Variants in RNF150 observed in about 807,000 individuals in gnomAD.
RNF150 encodes the protein ring finger protein 150.
Under a neutral mutation model 39.3 loss-of-function variants are expected in RNF150, and 24 were observed. The ratio of observed to expected loss-of-function variants is 0.61; its 90% CI spans 0.44 to 0.86. RNF150 has a LOEUF of 0.86. Ranked by LOEUF, RNF150 falls within the 40% of genes least tolerant of loss-of-function variation. The pLI, the probability that RNF150 is intolerant of heterozygous loss-of-function variation, is 0.00. For synonymous variants in RNF150, 255 were observed against 227.3 expected (o/e 1.12, Z -1.10); for missense variants, 502 against 587.8 (o/e 0.85, Z 1.51).
intron 1 of RNF150, among the ~76,000 whole-genome samples, chr4:141,079,704 A>G (rs1443872624): frequency 6.6e-6 from 1 of 152,198 alleles, no homozygotes; most frequent in Non-Finnish European, 1.5e-5. Context: ...CCACTTATTT[A>G]CTTCATGAAG....
In RNF150 at chr4:141,014,669, C is replaced by T. The variant is rs551021064; in HGVS notation, c.485-46796G>A. 7.4e-4 allele frequency among the ~76,000 whole-genome samples: 113 copies of T among 152,262 alleles called. 1 individual carries two copies. Among genetic ancestry groups the T allele is most frequent in the Middle Eastern group, 3.4e-3 (1 of 294 alleles). On this transcript the variant is annotated intron_variant, in intron 1 of 6. Coordinates refer to ENST00000515673, the MANE Select transcript of RNF150 (RefSeq NM_020724.2). The stretch of plus-strand genomic sequence containing the variant: ...GAGAAATGTCCATTCAGGTCCTTTG[C>T]CCACTTTAAAATCAGGTTGTTTTCT...
At chr4:140,965,289 G>A (rs1733194209) in intron 2 of RNF150, among the ~76,000 whole-genome samples, 1 of 152,046 alleles carries the variant, frequency 6.6e-6, no homozygotes, top group African/African-American at 2.4e-5. Flanking sequence ...CACTGTTGGT[G>A]GGAATGTAGA....
chr4:140,882,748 G>T (rs1203491017), intron 6 of RNF150, among the ~76,000 whole-genome samples: 2 of 151,730 alleles, frequency 1.3e-5, no homozygotes, highest in East Asian at 3.9e-4. Flanking sequence ...GTTCTCTCTG[G>T]TTACCATTTA....
chr4:141,176,360 A>G (rs1235659542), intron 1 of RNF150, among the ~76,000 whole-genome samples: 2 of 152,242 alleles, frequency 1.3e-5, no homozygotes, highest in Non-Finnish European at 1.5e-5. Flanking sequence ...TTCAGTGTTT[A>G]ATACTGAGAA....
At chr4:141,044,551 AT>A in intron 1 of RNF150, among the ~76,000 whole-genome samples, 2 of 152,232 alleles carry the variant, frequency 1.3e-5, no homozygotes, top group Admixed American at 1.3e-4. Flanking sequence ...ACATAACATT[AT>A]TATTTTAGAA....
At chr4:141,192,750 C>G (rs1175401316) in intron 1 of RNF150, among the ~76,000 whole-genome samples, 1 of 152,190 alleles carries the variant, frequency 6.6e-6, no homozygotes, top group Non-Finnish European at 1.5e-5. Flanking sequence ...CATTGGCTTG[C>G]CAACCTAATG....
At position 140,865,136 on chromosome 4, in the gene RNF150, GAC is replaced by G. The variant is rs1249134920; in HGVS notation, c.*3123_*3124del. 6.6e-6 allele frequency: 1 copy of G among 152,248 alleles called. No homozygotes were observed. The highest frequency in any genetic ancestry group is 1.9e-4 in the East Asian group (1 of 5,188). The allele number at this position is 152,248 out of a possible 1,614,324, so 9.4% of individuals were successfully genotyped here. A position where few individuals can be genotyped will look rare whatever the true frequency, so the allele number is the denominator to read the frequency against. On this transcript the variant is annotated 3_prime_UTR_variant, in exon 7 of 7. Coordinates refer to ENST00000515673, the MANE Select transcript of RNF150 (RefSeq NM_020724.2). Reference sequence around the variant, plus strand: ...ATTGAGAGGTGCTGTGAGTGTAAAAGACACAATGGATTTAGAAGACTTAGTAC... The same window carrying G: ...ATTGAGAGGTGCTGTGAGTGTAAAAGACAATGGATTTAGAAGACTTAGTAC...
At chr4:140,891,983 T>G (rs774947554) in intron 6 of RNF150, among the ~76,000 whole-genome samples, 2 of 152,054 alleles carry the variant, frequency 1.3e-5, no homozygotes, top group Non-Finnish European at 2.9e-5. Context: ...CCCAACCACC[T>G]CTCTTGTGGA....
chr4:141,007,613 T>A (rs1320068435), intron 1 of RNF150, among the ~76,000 whole-genome samples: 1 of 152,228 alleles, frequency 6.6e-6, no homozygotes, highest in East Asian at 1.9e-4. Context: ...AAATTTGATG[T>A]TGAAGTAAAA....
chr4:141,183,752 G>A (rs1727952674), intron 1 of RNF150, among the ~76,000 whole-genome samples: 1 of 152,002 alleles, frequency 6.6e-6, no homozygotes, highest in African/African-American at 2.4e-5. Flanking sequence ...GTGAGAACAT[G>A]CACTGTTTGG....
chr4:141,167,020 G>A (rs1234819754), intron 1 of RNF150, among the ~76,000 whole-genome samples: 1 of 152,130 alleles, frequency 6.6e-6, no homozygotes, highest in Non-Finnish European at 1.5e-5. Flanking sequence ...GTTTGCAGAT[G>A]ACATGATTGT....
chr4:140,941,975 C>T (rs550577590), intron 4 of RNF150, among the ~76,000 whole-genome samples: 10 of 152,114 alleles, frequency 6.6e-5, no homozygotes, highest in East Asian at 1.9e-4. Flanking sequence ...AAATAAAACG[C>T]GCACAAAATT....
chr4:141,120,218 A>C (rs879367053), intron 1 of RNF150, among the ~76,000 whole-genome samples: 4 of 152,220 alleles, frequency 2.6e-5, no homozygotes, highest in Non-Finnish European at 4.4e-5. Context: ...AGTAGTGATA[A>C]GATAAGGGAG....
At chr4:141,073,299 A>G (rs953542430) in intron 1 of RNF150, among the ~76,000 whole-genome samples, 1 of 152,206 alleles carries the variant, frequency 6.6e-6, no homozygotes, top group African/African-American at 2.4e-5. Flanking sequence ...GGTAAGCCAC[A>G]GATACCGGGC....
intron 1 of RNF150, among the ~76,000 whole-genome samples, chr4:141,206,906 C>T (rs945515864): frequency 2.0e-5 from 3 of 151,932 alleles, no homozygotes; most frequent in African/African-American, 7.3e-5. Context: ...GCCTGAGAAC[C>T]CCCGAGAAGC....
intron 1 of RNF150, among the ~76,000 whole-genome samples, chr4:141,190,174 G>C (rs1456638616): frequency 1.3e-5 from 2 of 152,106 alleles, no homozygotes; most frequent in African/African-American, 2.4e-5. Context: ...TAGCCAGTCT[G>C]AATTAGATGA....
intron 6 of RNF150, among the ~76,000 whole-genome samples, chr4:140,887,226 T>C (rs138122480): frequency 6.6e-6 from 1 of 152,306 alleles, no homozygotes; most frequent in East Asian, 1.9e-4. Context: ...CTTGCTTAGA[T>C]AAAATCTTGA....
chr4:141,027,918 TTTTTTTTG>T (rs1275235028), intron 1 of RNF150, among the ~76,000 whole-genome samples: 21 of 64,626 alleles, frequency 3.2e-4, no homozygotes, highest in African/African-American at 9.2e-4. Flanking sequence ...ATTTGTTTTT[TTTTTTTTG>T]TTTTTTTTTT....
At position 140,911,339 on chromosome 4, in the gene RNF150, T is replaced by G. The variant is rs964511318; in HGVS notation, c.1003A>C (p.Met335Leu). 6.8e-6 allele frequency: 11 copies of G among 1,614,162 alleles called. No homozygotes were observed. The East Asian group carries it at 1.3e-4, about 20-fold the overall frequency. The change falls in exon 6 of 7, where the codon ATG becomes CTG. Residue 335 changes from methionine to leucine, a missense_variant. Transcript: ENST00000515673. ...TCGAAGTCAGTGGGCAAGTCGTCCA[T>G]GCAGTCGGCATTGGGCTGATGGGGC... Reference protein sequence around the residue: ...ALGIPPNADCMDDLPTDFEGS... With the variant: ...ALGIPPNADCLDDLPTDFEGS...
Sources: allele counts gnomAD v4.1 joint callset (sites outside exome capture counted in the v4.1 genomes callset), GRCh38; gene constraint gnomAD v4.1.1; transcripts MANE v1.5; gene names NCBI Gene and HGNC (gene_info 2026-07-23, HGNC 2026-07-21).